ZFHX3: variants seen among roughly 807,000 people sequenced by gnomAD.
The protein encoded by ZFHX3 is zinc finger homeobox protein 3.
ZFHX3 carries 42 observed loss-of-function variants against 279.1 expected under a neutral mutation model. The ratio of observed to expected loss-of-function variants is 0.15; its 90% CI spans 0.12 to 0.19. The LOEUF is 0.19. Ranked by LOEUF, ZFHX3 falls within the 10% of genes least tolerant of loss-of-function variation. The pLI is 1.00. For synonymous variants in ZFHX3, 2,293 were observed against 1,957.8 expected, an observed-to-expected ratio of 1.17 and a Z score of -4.52; for missense variants, 4,981 against 4,754.0, an observed-to-expected ratio of 1.05 and a Z score of -1.40.
intron 1 of ZFHX3, among the ~76,000 whole-genome samples, chr16:73,794,665 A>C (rs1959940434): frequency 6.6e-6 from 1 of 152,198 alleles, no homozygotes; most frequent in Admixed American, 6.5e-5. Context: ...AAGTGGCTGA[A>C]CCCAGATCTC....
intron 1 of ZFHX3, among the ~76,000 whole-genome samples, chr16:73,853,595 G>C (rs761010463): frequency 6.6e-6 from 1 of 152,064 alleles, no homozygotes; most frequent in Non-Finnish European, 1.5e-5. Flanking sequence ...ACCAAATACT[G>C]CATGTTCTCA....
chr16:73,563,170 TTGTGTGTGTGTGTGTGTGTGTGTG>T (rs200933190), intron 2 of ZFHX3, among the ~76,000 whole-genome samples: 58,144 of 134,954 alleles, frequency 0.43, 13,893 homozygotes, highest in Non-Finnish European at 0.55. Context: ...TTTTGTTTTG[TTGTGTGTGTGTGTGTGTGTGTGTG>T]TGTGTGTGTG....
Position 72,797,477 on chromosome 16 carries a change from TTGTTGTTGTTGCTGTTGC to T in ZFHX3, c.5187_5204del (p.Gln1736_Gln1741del). 6.2e-7 allele frequency: 1 copy of T among 1,612,532 alleles called. No homozygotes were observed. ...TTTGTGCTTGTTGTTGTTGTTGTTGTTGTTGTTGTTGCTGTTGCTGCTGCTGTTGTTGCTGCTGCCTGG... is the reference window on the plus strand; with the variant it reads ...TTTGTGCTTGTTGTTGTTGTTGTTGTTGCTGCTGTTGTTGCTGCTGCCTGG... On this transcript the variant is annotated inframe_deletion, in exon 9 of 10. Transcript: ENST00000268489.
chr16:73,322,620 C>G (rs1385885970), intron 3 of ZFHX3, among the ~76,000 whole-genome samples: 2 of 152,136 alleles, frequency 1.3e-5, no homozygotes, highest in African/African-American at 4.8e-5. Flanking sequence ...GGGAGCACAG[C>G]AAACAGAAAA....
At chr16:73,349,893 T>G (rs2016206601) in intron 3 of ZFHX3, among the ~76,000 whole-genome samples, 1 of 142,390 alleles carries the variant, frequency 7.0e-6, no homozygotes, top group Admixed American at 7.0e-5. Context: ...TTTACTCCCC[T>G]TCTTCTTCCC....
chr16:73,322,897 A>T (rs911493623), intron 3 of ZFHX3, among the ~76,000 whole-genome samples: 1 of 152,222 alleles, frequency 6.6e-6, no homozygotes, highest in South Asian at 2.1e-4. Context: ...GATAGGCCCA[A>T]ACTAGTCTGC....
chr16:73,545,505 T>G (rs1181765195), intron 2 of ZFHX3, among the ~76,000 whole-genome samples: 1 of 152,178 alleles, frequency 6.6e-6, no homozygotes, highest in Non-Finnish European at 1.5e-5. Context: ...TCCCACATAT[T>G]GCACTATAGG....
At chr16:73,442,544 C>G (rs966403053) in intron 3 of ZFHX3, among the ~76,000 whole-genome samples, 1 of 151,856 alleles carries the variant, frequency 6.6e-6, no homozygotes, top group African/African-American at 2.4e-5. Context: ...GTGAAAAAAC[C>G]CCATGAGATG....
At chr16:73,202,827 C>A (rs887315178) in intron 5 of ZFHX3, among the ~76,000 whole-genome samples, 4 of 152,032 alleles carry the variant, frequency 2.6e-5, no homozygotes, top group Admixed American at 6.6e-5. Context: ...ATCCCACCCA[C>A]CTTACTGTGC....
chr16:73,104,544 A>G (rs981342805), intron 7 of ZFHX3, among the ~76,000 whole-genome samples: 9 of 152,110 alleles, frequency 5.9e-5, no homozygotes, highest in Admixed American at 1.3e-4. Flanking sequence ...GTGGATTTCA[A>G]TGTGACCATT....
intron 1 of ZFHX3, among the ~76,000 whole-genome samples, chr16:73,775,656 A>C (rs925228047): frequency 1.9e-4 from 29 of 152,204 alleles, no homozygotes; most frequent in African/African-American, 6.8e-4. Flanking sequence ...CAGATGAAAA[A>C]CGCAGGGGTA....
At chr16:73,830,299 C>A (rs1334283333) in intron 1 of ZFHX3, among the ~76,000 whole-genome samples, 1 of 147,406 alleles carries the variant, frequency 6.8e-6, no homozygotes, top group African/African-American at 2.5e-5. Flanking sequence ...CCTGCGCCCA[C>A]TGTCTGGCAC....
At chr16:73,223,151 T>C (rs2012478511) in intron 5 of ZFHX3, among the ~76,000 whole-genome samples, 1 of 152,128 alleles carries the variant, frequency 6.6e-6, no homozygotes, top group South Asian at 2.1e-4. Flanking sequence ...CTAGATGGCC[T>C]TGGGTTTGGC....
At chr16:73,392,300 A>G (rs974676353) in intron 3 of ZFHX3, among the ~76,000 whole-genome samples, 3 of 151,310 alleles carry the variant, frequency 2.0e-5, no homozygotes, top group Non-Finnish European at 4.4e-5. Flanking sequence ...GTGTGCCTAT[A>G]GCCCCAGCTA....
chr16:73,064,452 T>C (rs900686513), upstream of ZFHX3, among the ~76,000 whole-genome samples: 33 of 151,614 alleles, frequency 2.2e-4, no homozygotes, highest in Non-Finnish European at 4.4e-4. Context: ...TCAAACCAAA[T>C]TGGCCGCTCA....
rs540253304 is a variant in ZFHX3 at position 73,384,144 on chromosome 16, T to C, written c.-1290-65808A>G. Reference sequence around the variant, plus strand: ...GATGTCAGATGCTCTTGGCCAGGAATTGGCAAACTGCAGCCCAAGGACCAA... The same window carrying C: ...GATGTCAGATGCTCTTGGCCAGGAACTGGCAAACTGCAGCCCAAGGACCAA... On this transcript the variant is annotated intron_variant, in intron 3 of 17. Transcript: ENST00000641206. Among the ~76,000 whole-genome samples, 12 of 152,362 alleles carry C rather than the reference T, an allele frequency of 7.9e-5. No individual in the cohort carries two copies. The East Asian group carries it at 2.1e-3, about 27-fold the overall frequency.
chr16:72,950,370 C>T lies in ZFHX3; in HGVS notation c.3216+99G>A, dbSNP rs1960922856. The T allele has an allele frequency of 5.9e-6, 9 of 1,532,178 alleles. No individual in the cohort carries two copies. In the Admixed American group the frequency reaches 1.7e-4, roughly 28 times the overall value. The allele number at this position is 1,532,178 out of a possible 1,614,324, so 94.9% of individuals were successfully genotyped here. ...CAACCAACAGCCAAGCAGGCCATGCCAGAGACTGTCCGACTCCTCCCCAGT... is the reference window on the plus strand; with the variant it reads ...CAACCAACAGCCAAGCAGGCCATGCTAGAGACTGTCCGACTCCTCCCCAGT... On this transcript the variant is annotated intron_variant, in intron 3 of 9. Coordinates refer to ENST00000268489, the MANE Select transcript of ZFHX3 (RefSeq NM_006885.4).
rs560867835 is a variant in ZFHX3, at chr16:73,255,106, T to A, written c.-1104+1941A>T. ...ATCAGGGTGACTAGCCGGCAAAGAATATCCAGATCAGTCCTGAGATTGTTT... is the reference window on the plus strand; with the variant it reads ...ATCAGGGTGACTAGCCGGCAAAGAAAATCCAGATCAGTCCTGAGATTGTTT... On this transcript the variant is annotated intron_variant, in intron 5 of 17. Transcript: ENST00000641206. Among the ~76,000 whole-genome samples the A allele has an allele frequency of 6.7e-4, 102 of 152,348 alleles. 1 individual carries two copies. The Middle Eastern group carries it at 0.014, about 20-fold the overall frequency.
intron 5 of ZFHX3, among the ~76,000 whole-genome samples, chr16:73,163,474 T>C (rs927545671): frequency 1.6e-4 from 24 of 152,378 alleles, no homozygotes; most frequent in Admixed American, 1.6e-3. Flanking sequence ...TTCTTTGATG[T>C]ATTCTCTATG....
Sources: gnomAD v4.1 joint callset for allele counts (sites outside exome capture counted in the v4.1 genomes callset) on GRCh38, gnomAD v4.1.1 for gene constraint, MANE v1.5 for transcripts, NCBI Gene and HGNC (gene_info 2026-07-23, HGNC 2026-07-21) for gene names.